PTN: variants seen among roughly 807,000 people sequenced by gnomAD.
PTN encodes pleiotrophin, also known as heparin affin regulatory protein.
A neutral mutation model predicts 24.1 loss-of-function variants in PTN; 18 were observed. The observed-to-expected ratio is 0.75, with a 90% CI of 0.52 to 1.11. The LOEUF (loss-of-function observed/expected upper bound fraction) is 1.11. Among genes scored for constraint, PTN ranks in the 50% least tolerant of loss-of-function variants. The pLI is 0.00. For missense variants in PTN, 163 were observed against 198.8 expected, an observed-to-expected ratio of 0.82 and a Z score of 1.08; for synonymous variants, 78 against 68.6, an observed-to-expected ratio of 1.14 and a Z score of -0.67.
At position 137,266,019 on chromosome 7, in the gene PTN, T is replaced by A. The variant is rs549254458; in HGVS notation, c.-1-11045A>T. Among the ~76,000 whole-genome samples, 3 of 152,356 alleles carry A rather than the reference T, an allele frequency of 2.0e-5. No individual in the cohort carries two copies. The South Asian group carries it at 6.2e-4, about 32-fold the overall frequency. On this transcript the variant is annotated intron_variant, in intron 1 of 4. Transcript: ENST00000348225. ...TACTTTTATATTAGTGTGTTATTAA[T>A]GTTAAACTTAATTTTAATAAAACCT... is the stretch of plus-strand genomic sequence containing the variant.
rs543280656 is a variant in PTN at position 137,263,083 on chromosome 7, G to C, written c.-1-8109C>G. Among the ~76,000 whole-genome samples, 212 of 152,306 alleles carry C rather than the reference G, an allele frequency of 1.4e-3. 1 individual carries two copies. Among genetic ancestry groups the C allele is most frequent in the African/African-American group, 4.9e-3 (205 of 41,568 alleles). On this transcript the variant is annotated intron_variant, in intron 1 of 4. Coordinates refer to ENST00000348225, the MANE Select transcript of PTN (RefSeq NM_002825.7). ...CTTACATCTTCTTGTGCAATAGATT[G>C]ATAGTGATTCATATAGTACACTTGT...
At chr7:137,273,262 T>G (rs145355728) in intron 1 of PTN, among the ~76,000 whole-genome samples, 2 of 152,372 alleles carry the variant, frequency 1.3e-5, no homozygotes, top group Admixed American at 6.5e-5. Context: ...TGACTGACTA[T>G]GGTATCTAAA....
intron 1 of PTN, among the ~76,000 whole-genome samples, chr7:137,279,847 A>G (rs941026757): frequency 6.6e-6 from 1 of 152,236 alleles, no homozygotes; most frequent in African/African-American, 2.4e-5. Context: ...TGAAGCCAGA[A>G]AGGCTGACAG....
intron 1 of PTN, among the ~76,000 whole-genome samples, chr7:137,321,848 T>C (rs1810167714): frequency 6.6e-6 from 1 of 152,238 alleles, no homozygotes; most frequent in Admixed American, 6.5e-5. Flanking sequence ...TTATTGGCTT[T>C]GAAAATTTGT....
chr7:137,241,800 G>A (rs1808633041), intron 4 of PTN, among the ~76,000 whole-genome samples: 1 of 152,142 alleles, frequency 6.6e-6, no homozygotes, highest in Non-Finnish European at 1.5e-5. Flanking sequence ...GTTTTCCTCT[G>A]ATCAAGAGGA....
chr7:137,335,514 T>C (rs556613474), intron 1 of PTN, among the ~76,000 whole-genome samples: 3 of 152,348 alleles, frequency 2.0e-5, no homozygotes, highest in African/African-American at 7.2e-5. Flanking sequence ...ATCATTTTTA[T>C]TAAGCTATGG....
chr7:137,338,520 T>G (rs1257885798), intron 1 of PTN, among the ~76,000 whole-genome samples: 2 of 152,244 alleles, frequency 1.3e-5, no homozygotes, highest in Non-Finnish European at 2.9e-5. Context: ...AGCTCCACTT[T>G]CCTTTTTCTC....
At chr7:137,267,769 A>G (rs1222378326) in intron 1 of PTN, among the ~76,000 whole-genome samples, 1 of 152,168 alleles carries the variant, frequency 6.6e-6, no homozygotes, top group East Asian at 1.9e-4. Context: ...TACAGTTTAC[A>G]CCAAACCAGA....
At chr7:137,276,801 A>G (rs1038263528) in intron 1 of PTN, among the ~76,000 whole-genome samples, 6 of 152,098 alleles carry the variant, frequency 3.9e-5, no homozygotes, top group African/African-American at 1.4e-4. Context: ...TTTAACAGAA[A>G]AAAAAAAATC....
At chr7:137,239,225 T>C (rs1406215836) in intron 4 of PTN, among the ~76,000 whole-genome samples, 1 of 152,188 alleles carries the variant, frequency 6.6e-6, no homozygotes, top group Non-Finnish European at 1.5e-5. Flanking sequence ...TCACAGTGAT[T>C]TCTCTACACA....
At chr7:137,261,045 G>A (rs1809029025) in intron 1 of PTN, among the ~76,000 whole-genome samples, 1 of 151,304 alleles carries the variant, frequency 6.6e-6, no homozygotes, top group Non-Finnish European at 1.5e-5. Context: ...TTATGAATTT[G>A]CTCTCTACTA....
chr7:137,311,130 G>GC (rs1809974429), intron 1 of PTN, among the ~76,000 whole-genome samples: 1 of 151,830 alleles, frequency 6.6e-6, no homozygotes. Context: ...TACTTGAGAG[G>GC]CTGAGGCATG....
At chr7:137,269,167 GTTCT>G (rs1308551716) in intron 1 of PTN, among the ~76,000 whole-genome samples, 1 of 151,944 alleles carries the variant, frequency 6.6e-6, no homozygotes, top group Non-Finnish European at 1.5e-5. Context: ...CTGTTCTTCT[GTTCT>G]TTCATATAAT....
At chr7:137,259,691 C>CAG (rs952537685) in intron 1 of PTN, among the ~76,000 whole-genome samples, 51 of 150,486 alleles carry the variant, frequency 3.4e-4, no homozygotes, top group Admixed American at 1.5e-3. Flanking sequence ...CAAAAAGGGA[C>CAG]AGAGAGAGAG....
chr7:137,247,214 C>A (rs1423063508), intron 4 of PTN, among the ~76,000 whole-genome samples: 1 of 152,060 alleles, frequency 6.6e-6, no homozygotes, highest in Non-Finnish European at 1.5e-5. Context: ...ATATCTGTAC[C>A]CCTATGTTTG....
intron 1 of PTN, among the ~76,000 whole-genome samples, chr7:137,265,318 A>G (rs1392063526): frequency 6.6e-6 from 1 of 152,164 alleles, no homozygotes; most frequent in Non-Finnish European, 1.5e-5. Flanking sequence ...TGCCAGGGTG[A>G]AAGGGATAGC....
intron 1 of PTN, among the ~76,000 whole-genome samples, chr7:137,295,358 T>C (rs895499455): frequency 6.6e-6 from 1 of 152,104 alleles, no homozygotes; most frequent in African/African-American, 2.4e-5. Flanking sequence ...GCAGATACCA[T>C]TGTAGCTCTG....
At position 137,331,213 on chromosome 7, in the gene PTN, T is replaced by C. The variant is rs192391131; in HGVS notation, c.-2+12226A>G. Among the ~76,000 whole-genome samples the C allele has an allele frequency of 1.8e-4, 27 of 152,306 alleles. No individual in the cohort carries two copies. The East Asian group carries it at 5.0e-3, about 28-fold the overall frequency. ...TTTAGGAAATGTGGATCTGTCTGTT[T>C]AGAGAGAAATTGGTAGAAATCCACA... On this transcript the variant is annotated intron_variant, in intron 1 of 4. Transcript: ENST00000348225.
At chr7:137,261,853 T>C (rs560439968) in intron 1 of PTN, among the ~76,000 whole-genome samples, 6 of 152,318 alleles carry the variant, frequency 3.9e-5, no homozygotes, top group African/African-American at 1.2e-4. Context: ...CTGTGTACCT[T>C]TGCTTTCTCT....
Sources: allele counts gnomAD v4.1 joint callset (sites outside exome capture counted in the v4.1 genomes callset), GRCh38; gene constraint gnomAD v4.1.1; transcripts MANE v1.5; gene names NCBI Gene and HGNC (gene_info 2026-07-23, HGNC 2026-07-21).